Variants in ZNF174 observed in about 807,000 individuals in gnomAD.
ZNF174 encodes AW-1.
ZNF174 carries 30 observed loss-of-function variants against 38.7 expected under a neutral mutation model. The ratio of observed to expected loss-of-function variants is 0.78; its 90% CI spans 0.58 to 1.05. ZNF174 has a LOEUF of 1.05. Among genes scored for constraint, ZNF174 ranks in the 50% least tolerant of loss-of-function variants. ZNF174 has a pLI of 0.00. For missense variants in ZNF174, 499 were observed against 495.6 expected, an observed-to-expected ratio of 1.01 and a Z score of -0.06; for synonymous variants, 201 against 181.7, an observed-to-expected ratio of 1.11 and a Z score of -0.86.
rs1267627080 is a variant in ZNF174, at chr16:3,402,223, G to A, written c.219G>A (p.Gln73=). 1.2e-6 allele frequency: 2 copies of A among 1,614,174 alleles called. No individual in the cohort carries two copies. The highest frequency in any genetic ancestry group is 1.1e-5 in the South Asian group (1 of 91,076). The part of the protein sequence containing the change: ...ALSQLRQLCR[Q]WLQPELHTKE... ...CCCAGCTCCGACAGCTCTGCCGTCA[G>A]TGGTTGCAACCCGAGCTGCACACCA... The change falls in exon 1 of 3, where the codon CAG becomes CAA. Residue 73 remains glutamine (Q), a synonymous_variant. Transcript: ENST00000268655.
In ZNF174 at chr16:3,408,440, C is replaced by A; in HGVS notation, c.745C>A (p.Pro249Thr). ...AGGGAATGGTCTGCAGAATCCTGAA[C>A]CAAGAGGGGCAAATATGAGTGAACC... Reference protein sequence around the residue: ...SKGNGLQNPEPRGANMSEPRL... With the variant: ...SKGNGLQNPETRGANMSEPRL... Residue 249 changes from proline to threonine, a missense_variant, in exon 3 of 3, where the codon CCA becomes ACA. Pro to Thr is a conservative substitution (Grantham distance 38). Transcript: ENST00000268655. 6.2e-7 allele frequency: 1 copy of A among 1,614,132 alleles called. No individual in the cohort carries two copies.
chr16:3,406,212 T>G (rs959167808), intron 2 of ZNF174, among the ~76,000 whole-genome samples: 1 of 152,382 alleles, frequency 6.6e-6, no homozygotes, highest in South Asian at 2.1e-4. Context: ...CATAGATTTT[T>G]GGGTTGTTTC....
intron 1 of ZNF174, among the ~76,000 whole-genome samples, chr16:3,402,683 C>T (rs1476134629): frequency 5.3e-5 from 8 of 152,094 alleles, no homozygotes; most frequent in Admixed American, 3.3e-4. Flanking sequence ...TGGTCTCGAT[C>T]TCCTGACCTC....
Position 3,408,983 on chromosome 16 carries a change from C to A in ZNF174, c.*64C>A. ...TTGTGTTTCTCCTCCCCCTTACTTG[C>A]ATGTAAATCACAAAAACTGTGTGAC... On this transcript the variant is annotated 3_prime_UTR_variant, in exon 3 of 3. Transcript: ENST00000268655. 7.0e-7 allele frequency: 1 copy of A among 1,438,670 alleles called. No individual in the cohort carries two copies. The highest frequency in any genetic ancestry group is 9.4e-7 in the Non-Finnish European group (1 of 1,061,072). 89.1% of individuals were successfully genotyped at this position (1,438,670 alleles called of 1,614,324 possible). A position where few individuals can be genotyped will look rare whatever the true frequency, so the allele number is the denominator to read the frequency against.
Position 3,401,997 on chromosome 16 carries a change from C to A in ZNF174, c.-8C>A. ...TTACAAGGAGAGAGTTGTCTCCTGA[C>A]GCCCAAAATGGCAGCTAAAATGGAG... On this transcript the variant is annotated 5_prime_UTR_variant, in exon 1 of 3. Coordinates refer to ENST00000268655, the MANE Select transcript of ZNF174 (RefSeq NM_003450.3). 6.2e-7 allele frequency: 1 copy of A among 1,611,184 alleles called. No individual in the cohort carries two copies. Among genetic ancestry groups the A allele is most frequent in the Non-Finnish European group, 8.5e-7 (1 of 1,179,444 alleles).
At chr16:3,403,150 C>CTTTTTTT (rs753071209) in intron 1 of ZNF174, among the ~76,000 whole-genome samples, 2 of 30,974 alleles carry the variant, frequency 6.5e-5, no homozygotes, top group African/African-American at 1.5e-4. Context: ...AGCTTATAGT[C>CTTTTTTT]TTTTTTTTTT....
chr16:3,404,223 C>A (rs114969607), intron 1 of ZNF174, among the ~76,000 whole-genome samples: 1 of 152,286 alleles, frequency 6.6e-6, no homozygotes, highest in South Asian at 2.1e-4. Flanking sequence ...GGAAGCCACT[C>A]GGCTGATTTG....
rs2034083235 is a variant in ZNF174 at position 3,408,433 on chromosome 16, T to C, written c.738T>C (p.Asn246=). 6.2e-7 allele frequency: 1 copy of C among 1,614,054 alleles called. No individual in the cohort carries two copies. Among genetic ancestry groups the C allele is most frequent in the Non-Finnish European group, 8.5e-7 (1 of 1,179,994 alleles). The change falls in exon 3 of 3, where the codon AAT becomes AAC. Residue 246 remains asparagine (N), a synonymous_variant. Coordinates refer to ENST00000268655, the MANE Select transcript of ZNF174 (RefSeq NM_003450.3). ...AGRSKGNGLQ[N]PEPRGANMSE... The stretch of plus-strand genomic sequence containing the variant: ...GATCCAAAGGGAATGGTCTGCAGAA[T>C]CCTGAACCAAGAGGGGCAAATATGA...
Position 3,402,453 on chromosome 16 carries a change from C to CTTTTTTT in ZNF174, c.402+56_402+62dup, listed in dbSNP as rs56903674. The CTTTTTTT allele has an allele frequency of 4.6e-5, 60 of 1,300,560 alleles. 1 individual carries two copies. The highest frequency in any genetic ancestry group is 1.8e-4 in the South Asian group (13 of 70,766). The allele number at this position is 1,300,560 out of a possible 1,614,324, so 80.6% of individuals were successfully genotyped here. A position where few individuals can be genotyped will look rare whatever the true frequency, so the allele number is the denominator to read the frequency against. ...CATCCTGGGGATTTCTTTTTCTTTTCTTTTTTTTTTTTTTTCTTTTTTTGA... is the reference window on the plus strand; with the variant it reads ...CATCCTGGGGATTTCTTTTTCTTTTCTTTTTTTTTTTTTTTTTTTTTTCTTTTTTTGA... On this transcript the variant is annotated intron_variant, in intron 1 of 2. Transcript: ENST00000268655.
At position 3,408,445 on chromosome 16, in the gene ZNF174, A is replaced by G. The variant is rs547923897; in HGVS notation, c.750A>G (p.Arg250=). 3.1e-6 allele frequency: 5 copies of G among 1,614,154 alleles called. No individual in the cohort carries two copies. In the African/African-American group the frequency reaches 5.3e-5, roughly 17 times the overall value. Residue 250 remains arginine (R), a synonymous_variant, in exon 3 of 3, where the codon AGA becomes AGG. Transcript: ENST00000268655. ...ATGGTCTGCAGAATCCTGAACCAAG[A>G]GGGGCAAATATGAGTGAACCTCGGT... ...KGNGLQNPEP[R]GANMSEPRLS... is the part of the protein sequence containing the mutation.
Position 3,402,074 on chromosome 16 carries a change from A to C in ZNF174, c.70A>C (p.Ile24Leu), listed in dbSNP as rs775726230. 14 of 1,614,158 alleles carry C rather than the reference A, an allele frequency of 8.7e-6. No individual in the cohort carries two copies. The Middle Eastern group carries it at 6.6e-4, about 76-fold the overall frequency. The change falls in exon 1 of 3, where the codon ATA (isoleucine) becomes CTA (leucine). Residue 24 changes from isoleucine to leucine, a missense_variant. By Grantham distance (5) the Ile-to-Leu change is conservative (BLOSUM62 2). Transcript: ENST00000268655. The stretch of plus-strand genomic sequence containing the variant: ...TTCCTCCAAGCAAGAGAGACACATA[A>C]TAGCCAAACTAGAAGAGAAACGGGG... ...EASSKQERHI[I>L]AKLEEKRGPP... is the part of the protein sequence containing the mutation.
At position 3,409,088 on chromosome 16, in the gene ZNF174, C is replaced by A; in HGVS notation, c.*169C>A. 2.8e-6 allele frequency: 2 copies of A among 703,716 alleles called. No homozygotes were observed. Among genetic ancestry groups the A allele is most frequent in the Non-Finnish European group, 4.7e-6 (2 of 423,104 alleles). 43.6% of individuals were successfully genotyped at this position (703,716 alleles called of 1,614,324 possible). Reference sequence around the variant, plus strand: ...GAGGCCCAGAAAAGGCCAACCAGGGCCCAACCGTGCATGATGACAGGGTGA... The same window carrying A: ...GAGGCCCAGAAAAGGCCAACCAGGGACCAACCGTGCATGATGACAGGGTGA... On this transcript the variant is annotated 3_prime_UTR_variant, in exon 3 of 3. Transcript: ENST00000268655.
intron 1 of ZNF174, among the ~76,000 whole-genome samples, 172 bp downstream of exon 1, chr16:3,402,578 CCTCCCG>C (rs1471504956): frequency 2.6e-5 from 4 of 151,996 alleles, no homozygotes; most frequent in Admixed American, 6.6e-5. Flanking sequence ...CCTGCCTCAG[CCTCCCG>C]AGTAGCTGGG....
intron 1 of ZNF174, 88 bp downstream of exon 1, chr16:3,402,494 T>A: frequency 2.2e-6 from 3 of 1,379,142 alleles, no homozygotes; most frequent in Non-Finnish European, 2.0e-6. Flanking sequence ...AATCTTGCTC[T>A]TTCGCCCAGG....
rs1483068985 is a variant in ZNF174, at chr16:3,409,206, C to A, written c.*287C>A. On this transcript the variant is annotated 3_prime_UTR_variant, in exon 3 of 3. Transcript: ENST00000268655. ...CTGAGAGAGAATCAGGACAATCCTG[C>A]AGGTGGCCCGCTTACTGTTAAATCG... 3 of 384,590 alleles carry A rather than the reference C, an allele frequency of 7.8e-6. No individual in the cohort carries two copies. Among genetic ancestry groups the A allele is most frequent in the Non-Finnish European group, 1.4e-5 (3 of 213,544 alleles). The allele number at this position is 384,590 out of a possible 1,614,324, so 23.8% of individuals were successfully genotyped here.
rs369080061 is a variant in ZNF174, at chr16:3,408,447, G to A, written c.752G>A (p.Gly251Glu). Residue 251 changes from glycine to glutamate, a missense_variant, in exon 3 of 3, where the codon GGG (glycine) becomes GAG (glutamate). Gly to Glu is a moderately conservative substitution (Grantham distance 98, BLOSUM62 -2). Coordinates refer to ENST00000268655, the MANE Select transcript of ZNF174 (RefSeq NM_003450.3). ...GGTCTGCAGAATCCTGAACCAAGAG[G>A]GGCAAATATGAGTGAACCTCGGTTG... ...GNGLQNPEPR[G>E]ANMSEPRLSR... 6.8e-6 allele frequency: 11 copies of A among 1,613,968 alleles called. No homozygotes were observed. The highest frequency in any genetic ancestry group is 2.7e-5 in the African/African-American group (2 of 74,876).
At chr16:3,408,143 C>A (rs2034079577) in intron 2 of ZNF174, among the ~76,000 whole-genome samples, 178 bp from the exon 3 acceptor site, 1 of 152,134 alleles carries the variant, frequency 6.6e-6, no homozygotes, top group Non-Finnish European at 1.5e-5. Flanking sequence ...AGATTCTGAC[C>A]CAGCAGCTCT....
At position 3,401,888 on chromosome 16, in the gene ZNF174, AC is replaced by A. The variant is rs2033914629; in HGVS notation, c.-116del. The stretch of plus-strand genomic sequence containing the variant: ...TTGTCTCTGCATCCCGTTCCCCCTA[AC>A]ATCCTCAGAGAACCTTCGTTTCTAG... On this transcript the variant is annotated 5_prime_UTR_variant, in exon 1 of 3. Transcript: ENST00000268655. The A allele has an allele frequency of 3.0e-6, 4 of 1,320,114 alleles. No homozygotes were observed. In the African/African-American group the frequency reaches 5.9e-5, roughly 20 times the overall value. 81.8% of individuals were successfully genotyped at this position (1,320,114 alleles called of 1,614,324 possible). A position where few individuals can be genotyped will look rare whatever the true frequency, so the allele number is the denominator to read the frequency against.
chr16:3,405,146 A>T, intron 2 of ZNF174: 1 of 1,343,396 alleles, frequency 7.4e-7, no homozygotes, highest in Middle Eastern at 2.6e-4. Flanking sequence ...TGTTCTACAC[A>T]GTCCTGTGAT....
Sources: gnomAD v4.1 joint callset for allele counts (sites outside exome capture counted in the v4.1 genomes callset) on GRCh38, gnomAD v4.1.1 for gene constraint, MANE v1.5 for transcripts, NCBI Gene and HGNC (gene_info 2026-07-23, HGNC 2026-07-21) for gene names.